USP13: variants seen among roughly 807,000 people sequenced by gnomAD.
USP13 encodes the protein ubiquitin carboxyl-terminal hydrolase 13.
A neutral mutation model predicts 107.8 loss-of-function variants in USP13; 68 were observed. The ratio of observed to expected loss-of-function variants is 0.63; its 90% CI spans 0.52 to 0.77. The LOEUF is 0.77. USP13 is among the 30% of genes least tolerant of loss of function. USP13 has a pLI of 0.00. For synonymous variants in USP13, 377 were observed against 389.5 expected, an observed-to-expected ratio of 0.97 and a Z score of 0.38; for missense variants, 945 against 1,093.3, an observed-to-expected ratio of 0.86 and a Z score of 1.91.
At chr3:179,670,178 A>G (rs1356994075) in intron 1 of USP13, among the ~76,000 whole-genome samples, 1 of 152,154 alleles carries the variant, frequency 6.6e-6, no homozygotes, top group Admixed American at 6.5e-5. Flanking sequence ...TTGAAGTCTC[A>G]GCCTCCTAGA....
intron 1 of USP13, among the ~76,000 whole-genome samples, chr3:179,659,898 C>T (rs746681000): frequency 4.6e-5 from 7 of 152,116 alleles, no homozygotes; most frequent in Middle Eastern, 6.8e-3. Flanking sequence ...AAAAATTAGC[C>T]GGGCTGGGTA....
rs527847770 is a variant in USP13 at position 179,690,352 on chromosome 3, A to G, written c.355+51A>G. ...AGATTTTGTGTTTGTGTGTGTGTAT[A>G]TGTGCATACTCATGTGCATCTTTGA... On this transcript the variant is annotated intron_variant, in intron 3 of 20. Transcript: ENST00000263966. The G allele has an allele frequency of 1.2e-5, 17 of 1,471,270 alleles. No individual in the cohort carries two copies. The South Asian group carries it at 1.8e-4, about 16-fold the overall frequency. The allele number at this position is 1,471,270 out of a possible 1,614,324, so 91.1% of individuals were successfully genotyped here.
intron 1 of USP13, among the ~76,000 whole-genome samples, chr3:179,661,446 T>C (rs966302754): frequency 1.3e-5 from 2 of 149,898 alleles, no homozygotes; most frequent in Non-Finnish European, 2.9e-5. Flanking sequence ...GGGAATTTAC[T>C]ATTTCATAGA....
chr3:179,657,243 C>T (rs566858882), intron 1 of USP13, among the ~76,000 whole-genome samples: 28 of 152,176 alleles, frequency 1.8e-4, no homozygotes, highest in East Asian at 7.7e-4. Flanking sequence ...AAGGCCGGGG[C>T]GCGGTGGCTA....
chr3:179,759,683 T>TC (rs1714936593), intron 16 of USP13, among the ~76,000 whole-genome samples: 1 of 150,164 alleles, frequency 6.7e-6, no homozygotes, highest in East Asian at 1.9e-4. Context: ...GGTAAATGCA[T>TC]TTTTTTTTTG....
intron 3 of USP13, among the ~76,000 whole-genome samples, chr3:179,699,406 TAG>T (rs1156729071): frequency 6.6e-6 from 1 of 152,220 alleles, no homozygotes; most frequent in Non-Finnish European, 1.5e-5. Context: ...TCTTACAATT[TAG>T]AATCTTTTAT....
chr3:179,704,284 C>G (rs1576938411), intron 4 of USP13, among the ~76,000 whole-genome samples: 3 of 152,088 alleles, frequency 2.0e-5, no homozygotes, highest in East Asian at 3.8e-4. Flanking sequence ...TTCAGAATCA[C>G]AGTGCACTGC....
chr3:179,766,229 C>T (rs1348580998), intron 19 of USP13, among the ~76,000 whole-genome samples: 2 of 152,072 alleles, frequency 1.3e-5, no homozygotes, highest in Non-Finnish European at 2.9e-5. Flanking sequence ...ATGCCTGTCT[C>T]GGCCTCCCAA....
chr3:179,663,274 G>A (rs1720502944), intron 1 of USP13, among the ~76,000 whole-genome samples: 1 of 152,114 alleles, frequency 6.6e-6, no homozygotes, highest in African/African-American at 2.4e-5. Flanking sequence ...ATTTCACTTG[G>A]CATAATGTCC....
intron 10 of USP13, among the ~76,000 whole-genome samples, chr3:179,731,160 C>T (rs1410900472): frequency 1.3e-5 from 2 of 152,254 alleles, no homozygotes; most frequent in East Asian, 1.9e-4. Context: ...CCTATAATCC[C>T]GGCACTTTGG....
intron 19 of USP13, among the ~76,000 whole-genome samples, chr3:179,775,125 T>C (rs1190882455): frequency 3.3e-5 from 5 of 150,204 alleles, no homozygotes; most frequent in Admixed American, 2.6e-4. Context: ...ATTAGCTAGA[T>C]ACAGTGCTGA....
In USP13 at chr3:179,764,068, G is replaced by A; in HGVS notation, c.2159G>A (p.Gly720Asp). 1 of 1,614,020 alleles carries A rather than the reference G, an allele frequency of 6.2e-7. No individual in the cohort carries two copies. Residue 720 changes from glycine (G) to aspartate (D), a missense_variant, in exon 18 of 21, where the codon GGT (glycine) becomes GAT (aspartate). By Grantham distance (94) the Gly-to-Asp change is moderately conservative. Coordinates refer to ENST00000263966, the MANE Select transcript of USP13 (RefSeq NM_003940.3). The stretch of plus-strand genomic sequence containing the variant: ...GCTTCTGCTGGAGCCTCTGTTTTTG[G>A]TGCTTCTGGACTGGATAACCAACCT... ...GAASAGASVF[G>D]ASGLDNQPPE...
Position 179,741,407 on chromosome 3 carries a change from A to C in USP13, c.1381-790A>C, listed in dbSNP as rs141993138. ...GGGTTACTGATTCACATGTCTGCTC[A>C]GGTCCATGATCTTTTCTAACTCTGT... On this transcript the variant is annotated intron_variant, in intron 11 of 20. Coordinates refer to ENST00000263966, the MANE Select transcript of USP13 (RefSeq NM_003940.3). Among the ~76,000 whole-genome samples, 283 of 152,022 alleles carry C rather than the reference A, an allele frequency of 1.9e-3. 1 individual carries two copies. Among genetic ancestry groups the C allele is most frequent in the African/African-American group, 6.7e-3 (276 of 41,478 alleles).
intron 19 of USP13, among the ~76,000 whole-genome samples, chr3:179,766,425 A>C (rs1399239810): frequency 6.6e-6 from 1 of 152,086 alleles, no homozygotes; most frequent in Non-Finnish European, 1.5e-5. Flanking sequence ...TTGAGGTAAA[A>C]TTTCTTCATG....
At chr3:179,683,469 A>C (rs994277292) in intron 2 of USP13, among the ~76,000 whole-genome samples, 1 of 152,240 alleles carries the variant, frequency 6.6e-6, no homozygotes, top group South Asian at 2.1e-4. Context: ...TAACAGACTT[A>C]CAGTTCCATG....
At chr3:179,740,078 C>A (rs890477216) in intron 10 of USP13, among the ~76,000 whole-genome samples, 169 bp from the exon 11 acceptor site, 14 of 152,136 alleles carry the variant, frequency 9.2e-5, no homozygotes, top group African/African-American at 3.4e-4. Flanking sequence ...CAGGGCCTGG[C>A]ACATAGTAAA....
intron 14 of USP13, among the ~76,000 whole-genome samples, chr3:179,754,224 A>G (rs1714708242): frequency 7.0e-6 from 1 of 142,822 alleles, no homozygotes; most frequent in African/African-American, 3.1e-5. Flanking sequence ...TAGCACAAAT[A>G]TGATGCTCAG....
intron 1 of USP13, among the ~76,000 whole-genome samples, chr3:179,672,686 T>A (rs1361691317): frequency 6.6e-6 from 1 of 152,168 alleles, no homozygotes; most frequent in Non-Finnish European, 1.5e-5. Flanking sequence ...AGTGATGGGA[T>A]TACAGGCGTG....
intron 16 of USP13, among the ~76,000 whole-genome samples, chr3:179,758,560 G>A (rs997157518): frequency 1.3e-5 from 2 of 149,970 alleles, no homozygotes; most frequent in East Asian, 2.0e-4. Flanking sequence ...GTGCAGTGGC[G>A]CGATCTCGGC....
Sources: gnomAD v4.1 joint callset for allele counts (sites outside exome capture counted in the v4.1 genomes callset) on GRCh38, gnomAD v4.1.1 for gene constraint, MANE v1.5 for transcripts, NCBI Gene and HGNC (gene_info 2026-07-23, HGNC 2026-07-21) for gene names.